The following KIAA1217 variants were observed in gnomAD, a reference collection of about 807,000 sequenced individuals.
KIAA1217 encodes sickle tail protein homolog.
A neutral mutation model predicts 163.9 loss-of-function variants in KIAA1217; 88 were observed. The observed-to-expected ratio is 0.54, with a 90% confidence interval of 0.45 to 0.64. The LOEUF (loss-of-function observed/expected upper bound fraction) is 0.64, where lower values mean the gene tolerates loss of function less well. Ranked by LOEUF, KIAA1217 falls within the 30% of genes least tolerant of loss-of-function variation. KIAA1217 has a pLI of 0.00. For missense variants in KIAA1217, 2,372 were observed against 2,475.0 expected (o/e 0.96, Z 0.88); for synonymous variants, 903 against 923.1 (o/e 0.98, Z 0.39).
intron 2 of KIAA1217, among the ~76,000 whole-genome samples, chr10:24,048,808 G>A (rs1849256950): frequency 6.6e-6 from 1 of 151,848 alleles, no homozygotes; most frequent in Admixed American, 6.6e-5. Context: ...CGAGGCGGGT[G>A]GATCACGAGG....
At chr10:23,746,013 C>T (rs1194812856) in intron 1 of KIAA1217, among the ~76,000 whole-genome samples, 1 of 152,208 alleles carries the variant, frequency 6.6e-6, no homozygotes, top group Non-Finnish European at 1.5e-5. Flanking sequence ...TCCCTGCCCT[C>T]CAGTAACTTA....
At chr10:24,172,985 A>G (rs894635421) in intron 2 of KIAA1217, among the ~76,000 whole-genome samples, 8 of 152,064 alleles carry the variant, frequency 5.3e-5, no homozygotes, top group Non-Finnish European at 7.4e-5. Context: ...GGGGTCCCCA[A>G]CCCCCAGGCC....
At chr10:24,064,884 C>T (rs934615991) in intron 2 of KIAA1217, among the ~76,000 whole-genome samples, 20 of 152,108 alleles carry the variant, frequency 1.3e-4, no homozygotes, top group Admixed American at 7.2e-4. Flanking sequence ...CTGTATGTGT[C>T]GAGGAATTTA....
chr10:23,737,825 A>T (rs1323885552), intron 1 of KIAA1217, among the ~76,000 whole-genome samples: 1 of 151,708 alleles, frequency 6.6e-6, no homozygotes, highest in African/African-American at 2.4e-5. Flanking sequence ...GTTATTTTCT[A>T]CTAAAATGTC....
chr10:24,173,203 T>C lies in KIAA1217; in HGVS notation c.-170-46423T>C, dbSNP rs574866603. Among the ~76,000 whole-genome samples, 23 of 152,322 alleles carry C rather than the reference T, an allele frequency of 1.5e-4. No homozygotes were observed. In the East Asian group the frequency reaches 4.4e-3, roughly 29 times the overall value. ...TTGTGAACAGAGCATTTGAGGGATGTAAGTTGCATGCCCCTTATGAGAATC... is the reference window on the plus strand; with the variant it reads ...TTGTGAACAGAGCATTTGAGGGATGCAAGTTGCATGCCCCTTATGAGAATC... On this transcript the variant is annotated intron_variant, in intron 2 of 18. Coordinates refer to the KIAA1217 transcript ENST00000376462.
intron 1 of KIAA1217, among the ~76,000 whole-genome samples, chr10:23,859,200 G>A (rs766727702): frequency 2.0e-5 from 3 of 152,128 alleles, no homozygotes; most frequent in Non-Finnish European, 4.4e-5. Context: ...TAGATTGGTG[G>A]TTTCTTTGTT....
intron 2 of KIAA1217, among the ~76,000 whole-genome samples, chr10:24,083,370 C>T (rs778398258): frequency 1.3e-5 from 2 of 152,080 alleles, no homozygotes; most frequent in Non-Finnish European, 2.9e-5. Flanking sequence ...CAAATCCAGG[C>T]CCTAATGTTC....
At chr10:23,803,420 C>T (rs539580864) in intron 1 of KIAA1217, among the ~76,000 whole-genome samples, 4 of 152,334 alleles carry the variant, frequency 2.6e-5, no homozygotes, top group South Asian at 2.1e-4. Context: ...AGGCAGGGTG[C>T]CAGGGCCCAG....
chr10:24,543,500 C>G lies in KIAA1217; in HGVS notation c.4230C>G (p.Asp1410Glu). 6.2e-7 allele frequency: 1 copy of G among 1,614,088 alleles called. No individual in the cohort carries two copies. Among genetic ancestry groups the G allele is most frequent in the Non-Finnish European group, 8.5e-7 (1 of 1,180,024 alleles). Residue 1410 changes from aspartate (D) to glutamate (E), a missense_variant, in exon 19 of 21, where the codon GAC becomes GAG. Physicochemically the swap from Asp to Glu is conservative, Grantham distance 45 (BLOSUM62 2). This residue lies in a region of KIAA1217 where 690 missense variants were observed against 677.5 expected (regional missense o/e 1.02). Transcript: ENST00000376454. ...VHDIVSQKGE[D>E]IQTVNIDARK... Reference sequence around the variant, plus strand: ...ATATTGTTAGCCAAAAGGGAGAAGACATACAGACGGTTAATATCGATGCCA... The same window carrying G: ...ATATTGTTAGCCAAAAGGGAGAAGAGATACAGACGGTTAATATCGATGCCA...
chr10:24,368,686 A>G (rs1369952831), intron 2 of KIAA1217, among the ~76,000 whole-genome samples: 2 of 152,176 alleles, frequency 1.3e-5, no homozygotes, highest in Non-Finnish European at 2.9e-5. Context: ...CTATTTACCT[A>G]TCTCACAAGA....
chr10:24,527,851 A>G lies in KIAA1217; in HGVS notation c.2899-85A>G, dbSNP rs1592681684. On this transcript the variant is annotated intron_variant, in intron 13 of 20. Coordinates refer to ENST00000376454, the MANE Select transcript of KIAA1217 (RefSeq NM_019590.5). ...TTTTCCTGATCCTCTCCTTCCTCCC[A>G]CCCTCCACCCTCTGAGAGGTCCCAG... The G allele has an allele frequency of 2.9e-5, 30 of 1,031,520 alleles. No homozygotes were observed. The East Asian group carries it at 7.1e-4, about 25-fold the overall frequency. 63.9% of individuals were successfully genotyped at this position (1,031,520 alleles called of 1,614,324 possible).
At chr10:24,218,958 A>G (rs960721571) in intron 1 of KIAA1217, among the ~76,000 whole-genome samples, 1 of 152,222 alleles carries the variant, frequency 6.6e-6, no homozygotes, top group African/African-American at 2.4e-5. Context: ...CTGAGCTTAT[A>G]TAAGAATCCT....
intron 2 of KIAA1217, among the ~76,000 whole-genome samples, chr10:24,243,326 C>G (rs1246540210): frequency 6.6e-6 from 1 of 151,964 alleles, no homozygotes; most frequent in African/African-American, 2.4e-5. Context: ...GGGTACATTG[C>G]CTACTGGTGG....
chr10:24,182,317 T>A (rs1238791627), intron 2 of KIAA1217, among the ~76,000 whole-genome samples: 1 of 152,108 alleles, frequency 6.6e-6, no homozygotes, highest in Admixed American at 6.5e-5. Context: ...GCACCTGTAG[T>A]GCCAGCTACG....
chr10:24,102,001 C>T (rs1019697583), intron 2 of KIAA1217, among the ~76,000 whole-genome samples: 5 of 152,082 alleles, frequency 3.3e-5, no homozygotes, highest in Non-Finnish European at 7.4e-5. Context: ...TACCAAAAGC[C>T]ACTAAACTGT....
At chr10:24,475,850 C>A (rs775382872) in intron 6 of KIAA1217, among the ~76,000 whole-genome samples, 1 of 152,170 alleles carries the variant, frequency 6.6e-6, no homozygotes, top group East Asian at 1.9e-4. Context: ...GATAACACAC[C>A]TGTCCCCTTT....
chr10:23,847,955 T>A (rs1839122791), intron 1 of KIAA1217, among the ~76,000 whole-genome samples: 1 of 152,184 alleles, frequency 6.6e-6, no homozygotes, highest in Admixed American at 6.6e-5. Context: ...TCATTATTTC[T>A]GCCTTCAGTT....
chr10:23,993,712 C>T (rs1019560984), intron 1 of KIAA1217, among the ~76,000 whole-genome samples: 10 of 151,940 alleles, frequency 6.6e-5, no homozygotes, highest in East Asian at 5.8e-4. Flanking sequence ...CATGCTACCA[C>T]ACCCAGCTAA....
At chr10:23,787,401 C>T (rs1835542693) in intron 1 of KIAA1217, among the ~76,000 whole-genome samples, 1 of 152,030 alleles carries the variant, frequency 6.6e-6, no homozygotes, top group South Asian at 2.1e-4. Flanking sequence ...ATCAGTGATC[C>T]AGGAGCAGGA....
Sources: gnomAD v4.1 joint callset for allele counts (sites outside exome capture counted in the v4.1 genomes callset) on GRCh38, gnomAD v4.1.1 for gene constraint, gnomAD v4.1.1 regional missense constraint, MANE v1.5 for transcripts, NCBI Gene and HGNC (gene_info 2026-07-23, HGNC 2026-07-21) for gene names.